The following SVIL variants were observed in gnomAD, a reference collection of about 807,000 sequenced individuals.
SVIL encodes supervillin.
SVIL carries 101 observed loss-of-function variants against 240.4 expected under a neutral mutation model. The ratio of observed to expected loss-of-function variants is 0.42; its 90% CI spans 0.36 to 0.50. The LOEUF is 0.50. Ranked by LOEUF, SVIL falls within the 20% of genes least tolerant of loss-of-function variation. The pLI is 0.01. For synonymous variants in SVIL, 999 were observed against 1,100.0 expected (o/e 0.91, Z 1.82); for missense variants, 2,512 against 2,818.7 (o/e 0.89, Z 2.46).
At chr10:29,508,353 T>A in intron 17 of SVIL, 1 of 1,288,238 alleles carries the variant, frequency 7.8e-7, no homozygotes, top group Non-Finnish European at 1.0e-6. Context: ...CAAAGCAGAT[T>A]AGAAATGGCA....
At chr10:29,479,725 G>C (rs1029468636) in intron 29 of SVIL, among the ~76,000 whole-genome samples, 10 of 152,240 alleles carry the variant, frequency 6.6e-5, no homozygotes, top group African/African-American at 2.4e-4. Flanking sequence ...TCAGCAAACA[G>C]CTGCCTGTGC....
chr10:29,499,321 T>C, intron 17 of SVIL, 58 bp from the exon 18 acceptor site: 1 of 1,605,282 alleles, frequency 6.2e-7, no homozygotes, highest in Non-Finnish European at 8.5e-7. Context: ...GGTGTGGACC[T>C]CAGCCTGCAG....
rs1212690027 is a variant in SVIL at position 29,494,991 on chromosome 10, G to A, written c.3764C>T (p.Ala1255Val). Residue 1255 changes from alanine to valine, a missense_variant, in exon 20 of 38, where the codon GCC becomes GTC. Physicochemically the swap from Ala to Val is moderately conservative, Grantham distance 64 (BLOSUM62 0). Around this residue, in one of 3 missense-constraint regions of SVIL, gnomAD observed 272 missense variants for 406.8 expected, o/e 0.67. Transcript: ENST00000355867. ...PVSKPLEDIE[A>V]RPDMQLESDL... ...CGATTCTAACTGCATATCTGGTCTG[G>A]CTTCGATATCTAGGCAAGCAGAAAC... 3 of 1,613,530 alleles carry A rather than the reference G, an allele frequency of 1.9e-6. No individual in the cohort carries two copies. Among genetic ancestry groups the A allele is most frequent in the African/African-American group, 2.7e-5 (2 of 74,606 alleles).
chr10:29,542,141 C>T (rs564786383), intron 6 of SVIL, among the ~76,000 whole-genome samples: 3 of 152,282 alleles, frequency 2.0e-5, no homozygotes, highest in South Asian at 2.1e-4. Flanking sequence ...CATTTGGGTG[C>T]GAGTGTCTCA....
chr10:29,588,920 C>CT (rs1273360201), intron 1 of SVIL, among the ~76,000 whole-genome samples: 1 of 152,100 alleles, frequency 6.6e-6, no homozygotes, highest in South Asian at 2.1e-4. Flanking sequence ...CCCACCCCCC[C>CT]TTTTATTCCT....
intron 2 of SVIL, among the ~76,000 whole-genome samples, chr10:29,677,885 T>G (rs1254911838): frequency 6.6e-6 from 1 of 152,084 alleles, no homozygotes; most frequent in African/African-American, 2.4e-5. Flanking sequence ...TACCTTCAAC[T>G]CAAAGAAACT....
intron 12 of SVIL, 34 bp from the exon 13 acceptor site, chr10:29,527,090 T>G: frequency 6.4e-7 from 1 of 1,573,822 alleles, no homozygotes; most frequent in East Asian, 2.2e-5. Context: ...GAAACATTCA[T>G]AAGGAGAGAG....
intron 1 of SVIL, among the ~76,000 whole-genome samples, chr10:29,587,627 C>A (rs917358691): frequency 2.6e-5 from 4 of 152,224 alleles, no homozygotes; most frequent in African/African-American, 9.6e-5. Flanking sequence ...TGGCCTGGAG[C>A]TTGCTCAGCC....
chr10:29,474,137 G>A (rs1016621194), intron 29 of SVIL, 148 bp from the exon 30 acceptor site: 45 of 1,119,746 alleles, frequency 4.0e-5, no homozygotes, highest in Middle Eastern at 2.9e-4. Flanking sequence ...GCACCTGGAG[G>A]GAAGGCTGGT....
rs185451286 is a variant in SVIL at position 29,579,253 on chromosome 10, C to G, written c.-200-9941G>C. 7.3e-3 allele frequency among the ~76,000 whole-genome samples: 1,114 copies of G among 151,972 alleles called. 18 individuals are homozygous for G. Among genetic ancestry groups the G allele is most frequent in the African/African-American group, 0.025 (1,039 of 41,450 alleles). On this transcript the variant is annotated intron_variant, in intron 1 of 37. Transcript: ENST00000355867. ...GAGATCGAGACTATCCTGGCTAACG[C>G]GGTGAAACCCCCTCTCTACTAAAAA...
At chr10:29,622,786 C>T (rs1957712552) in intron 1 of SVIL, among the ~76,000 whole-genome samples, 1 of 152,176 alleles carries the variant, frequency 6.6e-6, no homozygotes. Context: ...ACTGCAATCC[C>T]CCTAGTTCCC....
chr10:29,541,065 A>T (rs954318818), intron 6 of SVIL, among the ~76,000 whole-genome samples: 2 of 152,234 alleles, frequency 1.3e-5, no homozygotes, highest in Non-Finnish European at 2.9e-5. Flanking sequence ...TTTTTTAAAA[A>T]ACATGAACAA....
chr10:29,622,738 G>C (rs1957711271), intron 1 of SVIL, among the ~76,000 whole-genome samples: 1 of 152,154 alleles, frequency 6.6e-6, no homozygotes, highest in South Asian at 2.1e-4. Flanking sequence ...ACGTAGGAAA[G>C]AACAACCAAG....
intron 1 of SVIL, among the ~76,000 whole-genome samples, chr10:29,693,432 A>T (rs1961672502): frequency 6.6e-6 from 1 of 152,228 alleles, no homozygotes; most frequent in African/African-American, 2.4e-5. Flanking sequence ...GGTTGCAGCT[A>T]TGAAGACATC....
chr10:29,550,480 C>A, intron 6 of SVIL, 117 bp downstream of exon 6: 5 of 1,111,962 alleles, frequency 4.5e-6, no homozygotes, highest in Non-Finnish European at 6.3e-6. Flanking sequence ...TATGATATTT[C>A]TCCAATAAGC....
At chr10:29,528,476 C>T (rs1052728599) in intron 12 of SVIL, among the ~76,000 whole-genome samples, 3 of 152,126 alleles carry the variant, frequency 2.0e-5, no homozygotes, top group African/African-American at 4.8e-5. Flanking sequence ...CAGTGGCTCA[C>T]GCCTGTAGCT....
At chr10:29,565,781 C>T (rs7090776) in intron 2 of SVIL, among the ~76,000 whole-genome samples, 64,349 of 151,578 alleles carry the variant, frequency 0.42, 13,727 homozygotes, top group African/African-American at 0.44. Flanking sequence ...TAGTCCCAGC[C>T]ACTCAGGAGG....
intron 1 of SVIL, among the ~76,000 whole-genome samples, chr10:29,696,525 A>G (rs756922467): frequency 1.4e-5 from 2 of 146,762 alleles, no homozygotes; most frequent in Non-Finnish European, 3.0e-5. Flanking sequence ...CGTCCCGGCC[A>G]CCATCCCATC....
intron 1 of SVIL, among the ~76,000 whole-genome samples, chr10:29,721,257 C>CAAACA (rs112683847): frequency 0.21 from 31,043 of 149,940 alleles, 3,437 homozygotes; most frequent in East Asian, 0.29. Flanking sequence ...AACAAACAAA[C>CAAACA]AAAAAAACAC....
Sources: allele counts gnomAD v4.1 joint callset (sites outside exome capture counted in the v4.1 genomes callset), GRCh38; gene constraint gnomAD v4.1.1; regional missense constraint gnomAD v4.1.1; transcripts MANE v1.5; gene names NCBI Gene and HGNC (gene_info 2026-07-23, HGNC 2026-07-21).